DAB2IP: variants seen among roughly 807,000 people sequenced by gnomAD.
The protein encoded by DAB2IP is disabled homolog 2-interacting protein.
Under a neutral mutation model 107.2 loss-of-function variants are expected in DAB2IP, and 28 were observed. The ratio of observed to expected loss-of-function variants is 0.26; its 90% CI spans 0.19 to 0.36. The LOEUF is 0.36. DAB2IP is among the 10% of genes least tolerant of loss of function. DAB2IP has a pLI of 1.00. For missense variants in DAB2IP, 1,400 were observed against 1,644.7 expected (o/e 0.85, Z 2.57); for synonymous variants, 755 against 706.4 (o/e 1.07, Z -1.09).
At chr9:121,777,883 C>T (rs891835016) in intron 14 of DAB2IP, among the ~76,000 whole-genome samples, 2 of 152,156 alleles carry the variant, frequency 1.3e-5, no homozygotes, top group African/African-American at 4.8e-5. Flanking sequence ...CTTTCTTTAT[C>T]CCTTGAAATA....
chr9:121,745,484 C>G (rs1285268566), intron 3 of DAB2IP, among the ~76,000 whole-genome samples: 2 of 152,174 alleles, frequency 1.3e-5, no homozygotes, highest in Non-Finnish European at 2.9e-5. Context: ...AGCAGCTGCT[C>G]TGGTGCCCCA....
At chr9:121,727,764 C>T (rs1474709780) in intron 3 of DAB2IP, among the ~76,000 whole-genome samples, 1 of 152,154 alleles carries the variant, frequency 6.6e-6, no homozygotes, top group Non-Finnish European at 1.5e-5. Flanking sequence ...CCCTCAAAGC[C>T]GAGAATCAGC....
intron 3 of DAB2IP, among the ~76,000 whole-genome samples, chr9:121,709,637 A>G (rs1383081113): frequency 3.3e-5 from 5 of 152,142 alleles, no homozygotes; most frequent in Admixed American, 6.5e-5. Flanking sequence ...ACCGTTCTAC[A>G]TAGCCTGTGC....
chr9:121,773,570 C>T, intron 12 of DAB2IP, 75 bp downstream of exon 12: 2 of 1,344,644 alleles, frequency 1.5e-6, no homozygotes, highest in Non-Finnish European at 1.9e-6. Flanking sequence ...TACCATGCTC[C>T]TCCTCTCGGT....
chr9:121,567,164 G>A, exon 1 of DAB2IP: 1 of 1,614,028 alleles, frequency 6.2e-7, no homozygotes, highest in Non-Finnish European at 8.5e-7. Context: ...ATCAGGTGGG[G>A]CCAGGGGCTG....
In DAB2IP at chr9:121,701,245, G is replaced by A. The variant is rs1441095423; in HGVS notation, c.362+1787G>A. On this transcript the variant is annotated intron_variant, in intron 3 of 15. Coordinates refer to ENST00000408936, the Ensembl canonical transcript of DAB2IP. The surrounding 1 kb of genome is among the most constrained non-coding windows in gnomAD (Gnocchi z 4.7). The stretch of plus-strand genomic sequence containing the variant: ...CATGTCATGTTTACCTCCTTACAGC[G>A]GGAAGCCTGTACCTAGAAGCCGGCA... 6.6e-6 allele frequency among the ~76,000 whole-genome samples: 1 copy of A among 152,160 alleles called. No homozygotes were observed. Among genetic ancestry groups the A allele is most frequent in the Non-Finnish European group, 1.5e-5 (1 of 68,028 alleles).
intron 1 of DAB2IP, among the ~76,000 whole-genome samples, chr9:121,631,950 T>C (rs1831904137): frequency 6.7e-6 from 1 of 149,984 alleles, no homozygotes; most frequent in Non-Finnish European, 1.5e-5. Flanking sequence ...GGAGAGACGA[T>C]GGGAGAGGAT....
chr9:121,689,848 A>G (rs1829075128), intron 2 of DAB2IP, among the ~76,000 whole-genome samples: 1 of 152,242 alleles, frequency 6.6e-6, no homozygotes, highest in Non-Finnish European at 1.5e-5. Flanking sequence ...TAATCCCCGC[A>G]TTGTACAGCA....
Position 121,682,247 on chromosome 9 carries a change from A to G in DAB2IP, c.228+3466A>G, listed in dbSNP as rs182256611. 4.6e-3 allele frequency among the ~76,000 whole-genome samples: 699 copies of G among 152,234 alleles called. 2 individuals carry two copies. Among genetic ancestry groups the G allele is most frequent in the Middle Eastern group, 0.024 (7 of 294 alleles). On this transcript the variant is annotated intron_variant, in intron 2 of 15. Coordinates refer to ENST00000408936, the Ensembl canonical transcript of DAB2IP. The stretch of plus-strand genomic sequence containing the variant: ...TTGCTCTGTGTAGACCCTCGAGGGA[A>G]CCCAGGAAACATGGTTTTGCCTCGG...
chr9:121,737,038 G>A (rs1402492414), intron 3 of DAB2IP, among the ~76,000 whole-genome samples: 5 of 152,218 alleles, frequency 3.3e-5, no homozygotes, highest in Non-Finnish European at 5.9e-5. Flanking sequence ...GGAATGAGGA[G>A]GAACCAGCCT....
intron 1 of DAB2IP, among the ~76,000 whole-genome samples, chr9:121,583,215 C>T (rs145741613): frequency 8.5e-5 from 13 of 152,258 alleles, no homozygotes; most frequent in East Asian, 5.8e-4. Flanking sequence ...GGCGAAACCC[C>T]GTCTTTACAT....
At chr9:121,622,606 C>G (rs1490073556) in intron 1 of DAB2IP, among the ~76,000 whole-genome samples, 1 of 152,156 alleles carries the variant, frequency 6.6e-6, no homozygotes, top group Non-Finnish European at 1.5e-5. Context: ...GTCTCTCTCT[C>G]GGGAGGTAAG....
chr9:121,642,012 T>TTTCTTTCTTTCTTTC (rs1564128705), intron 1 of DAB2IP, among the ~76,000 whole-genome samples: 9 of 26,350 alleles, frequency 3.4e-4, no homozygotes, highest in African/African-American at 1.5e-3. Context: ...TCTCTCTCTC[T>TTTCTTTCTTTCTTTC]CTCTCTCTCT....
exon 16 of DAB2IP, chr9:121,783,768 A>AG: frequency 1.6e-6 from 1 of 625,598 alleles, no homozygotes; most frequent in South Asian, 1.9e-5. Flanking sequence ...CGCACCCCAC[A>AG]GCTGGGGCCG....
intron 1 of DAB2IP, among the ~76,000 whole-genome samples, chr9:121,664,056 A>G (rs930832672): frequency 5.9e-5 from 9 of 152,242 alleles, no homozygotes; most frequent in Non-Finnish European, 1.3e-4. Flanking sequence ...TATCTCTCTT[A>G]GATCTGTTTC....
chr9:121,586,823 G>A (rs1164062215), intron 1 of DAB2IP, among the ~76,000 whole-genome samples: 1 of 151,812 alleles, frequency 6.6e-6, no homozygotes. Context: ...AAAAAAAATT[G>A]CAGTGACCTC....
rs779618321 is a variant in DAB2IP at position 121,766,562 on chromosome 9, C to T, written c.1529C>T (p.Pro510Leu). ...CAGGAGTGCAGCAGTCGCGGCCGCC[C>T]GGACATCAGTGAGCGGCTCATCAGC... Residue 510 changes from proline to leucine, a missense_variant, in exon 9 of 16, where the codon CCG (proline) becomes CTG (leucine). Pro to Leu is a moderately conservative substitution (Grantham distance 98). Around this residue, in one of 3 missense-constraint regions of DAB2IP, gnomAD observed 517 missense variants for 748.6 expected, o/e 0.69. Transcript: ENST00000408936. 6.8e-6 allele frequency: 11 copies of T among 1,613,526 alleles called. No homozygotes were observed. Among genetic ancestry groups the T allele is most frequent in the South Asian group, 3.3e-5 (3 of 91,080 alleles).
chr9:121,754,910 A>G (rs549901820), intron 3 of DAB2IP, among the ~76,000 whole-genome samples: 32 of 151,834 alleles, frequency 2.1e-4, no homozygotes, highest in African/African-American at 7.7e-4. Context: ...CTGGGTCCCT[A>G]CCCCACCCTC....
At chr9:121,644,162 C>A (rs981115849) in intron 1 of DAB2IP, among the ~76,000 whole-genome samples, 2 of 144,590 alleles carry the variant, frequency 1.4e-5, no homozygotes, top group Non-Finnish European at 3.0e-5. Context: ...CAGAGCGAGA[C>A]CTTGTCTAAA....
Sources: allele counts gnomAD v4.1 joint callset (sites outside exome capture counted in the v4.1 genomes callset), GRCh38; gene constraint gnomAD v4.1.1; regional missense constraint gnomAD v4.1.1; non-coding constraint Gnocchi (gnomAD v3.1); transcripts MANE v1.5; gene names NCBI Gene and HGNC (gene_info 2026-07-23, HGNC 2026-07-21).